Variants in MPPED2 observed in about 807,000 individuals in gnomAD.
MPPED2 encodes the protein metallophosphoesterase MPPED2.
A neutral mutation model predicts 33.0 loss-of-function variants in MPPED2; 5 were observed. That is an observed-to-expected ratio of 0.15 (90% CI 0.08 to 0.32). The LOEUF (loss-of-function observed/expected upper bound fraction) is 0.32. MPPED2 is among the 10% of genes least tolerant of loss of function. MPPED2 has a pLI of 1.00. For missense variants in MPPED2, 275 were observed against 372.1 expected, an observed-to-expected ratio of 0.74 and a Z score of 2.15; for synonymous variants, 136 against 141.9, an observed-to-expected ratio of 0.96 and a Z score of 0.29.
chr11:30,401,368 A>G (rs567818723), intron 6 of MPPED2, among the ~76,000 whole-genome samples: 36 of 152,320 alleles, frequency 2.4e-4, no homozygotes, highest in Non-Finnish European at 4.0e-4. Flanking sequence ...AGTGCCCAGC[A>G]CAGGAGGGCC....
chr11:30,537,903 T>C (rs763476370), intron 2 of MPPED2, among the ~76,000 whole-genome samples: 7 of 152,156 alleles, frequency 4.6e-5, no homozygotes, highest in Admixed American at 1.3e-4. Context: ...GTAAAAATGT[T>C]TGATGTCTTC....
At chr11:30,387,293 G>A (rs1947715041) in exon 7 of MPPED2, 1 of 152,360 alleles carries the variant, frequency 6.6e-6, no homozygotes, top group African/African-American at 2.4e-5. Context: ...CAGATGCTGT[G>A]TGCTTGTCAG....
chr11:30,539,757 G>T (rs549497), intron 2 of MPPED2, among the ~76,000 whole-genome samples: 50 of 151,886 alleles, frequency 3.3e-4, no homozygotes, highest in African/African-American at 1.1e-3. Flanking sequence ...AGTAGCTGGG[G>T]TTATGGGCAC....
At chr11:30,428,913 C>A (rs1948960483) in intron 4 of MPPED2, 1 of 152,134 alleles carries the variant, frequency 6.6e-6, no homozygotes, top group Non-Finnish European at 1.5e-5. Context: ...TGTTCCCTAA[C>A]TTATCTTCTC....
chr11:30,444,039 C>CA (rs1407001412), intron 4 of MPPED2, among the ~76,000 whole-genome samples: 1 of 151,804 alleles, frequency 6.6e-6, no homozygotes, highest in Non-Finnish European at 1.5e-5. Flanking sequence ...GAGTTAAAGC[C>CA]AAAAAATTAT....
rs145904180 is a variant in MPPED2 at position 30,550,611 on chromosome 11, C to G, written c.129-14436G>C. On this transcript the variant is annotated intron_variant, in intron 2 of 6. Transcript: ENST00000358117. ...ACACATTTGATGTTTCCACGGCTTG[C>G]ACGGCTGAAGAAATGAGCTATTTCC... is the stretch of plus-strand genomic sequence containing the variant. 1.6e-4 allele frequency among the ~76,000 whole-genome samples: 24 copies of G among 152,266 alleles called. No homozygotes were observed. The East Asian group carries it at 4.6e-3, about 29-fold the overall frequency.
intron 4 of MPPED2, among the ~76,000 whole-genome samples, chr11:30,450,791 C>T: frequency 6.6e-6 from 1 of 152,174 alleles, no homozygotes; most frequent in Non-Finnish European, 1.5e-5. Context: ...ACATTTTAAC[C>T]TCAGAGAAAC....
chr11:30,468,921 C>G (rs1477818272), intron 4 of MPPED2: 1 of 152,172 alleles, frequency 6.6e-6, no homozygotes, highest in Non-Finnish European at 1.5e-5. Flanking sequence ...ATAGCCAGCC[C>G]TCCCTACACC....
intron 4 of MPPED2, among the ~76,000 whole-genome samples, chr11:30,457,382 CA>C (rs146074145): frequency 0.24 from 31,661 of 129,376 alleles, 3,957 homozygotes; most frequent in African/African-American, 0.43. Flanking sequence ...CCTAATTTTC[CA>C]AAAAAAAAAA....
intron 4 of MPPED2, among the ~76,000 whole-genome samples, chr11:30,481,420 C>T (rs1332150250): frequency 3.3e-5 from 5 of 152,118 alleles, no homozygotes; most frequent in Non-Finnish European, 1.5e-5. Context: ...CATCTGGTCC[C>T]GTTTAAAGCA....
chr11:30,446,149 C>T (rs1487019504), intron 4 of MPPED2, among the ~76,000 whole-genome samples: 1 of 152,190 alleles, frequency 6.6e-6, no homozygotes, highest in Non-Finnish European at 1.5e-5. Context: ...AATAGCTTTG[C>T]AGGCAAAGTC....
chr11:30,538,936 A>G (rs1954952367), intron 2 of MPPED2, among the ~76,000 whole-genome samples: 1 of 152,184 alleles, frequency 6.6e-6, no homozygotes, highest in Non-Finnish European at 1.5e-5. Context: ...TTCAGAAGAC[A>G]AGGCAGTGCA....
chr11:30,501,743 T>C (rs1170284373), intron 3 of MPPED2: 6 of 255,318 alleles, frequency 2.4e-5, no homozygotes, highest in Non-Finnish European at 3.7e-5. Context: ...AAGTTTAAGA[T>C]CTCCAGCTAT....
intron 4 of MPPED2, among the ~76,000 whole-genome samples, chr11:30,450,916 T>A (rs1056128060): frequency 6.6e-6 from 1 of 152,174 alleles, no homozygotes; most frequent in South Asian, 2.1e-4. Flanking sequence ...CTGAACCCGA[T>A]CTCATAGGCT....
At chr11:30,527,594 T>C (rs1407700972) in intron 3 of MPPED2, among the ~76,000 whole-genome samples, 1 of 152,060 alleles carries the variant, frequency 6.6e-6, no homozygotes, top group Non-Finnish European at 1.5e-5. Context: ...CCTGCTTCTG[T>C]GGTTCAGATG....
intron 4 of MPPED2, among the ~76,000 whole-genome samples, chr11:30,463,572 G>A (rs1950591601): frequency 6.6e-6 from 1 of 152,174 alleles, no homozygotes; most frequent in Non-Finnish European, 1.5e-5. Flanking sequence ...TCTGCGAAGT[G>A]GCTGGCCATC....
At chr11:30,492,141 C>T (rs1952011566) in intron 4 of MPPED2, among the ~76,000 whole-genome samples, 1 of 152,194 alleles carries the variant, frequency 6.6e-6, no homozygotes, top group Non-Finnish European at 1.5e-5. Flanking sequence ...TAAACTTTGT[C>T]TGCAGTTTGC....
chr11:30,552,337 G>A (rs534796383), intron 2 of MPPED2, among the ~76,000 whole-genome samples: 3 of 152,140 alleles, frequency 2.0e-5, no homozygotes, highest in Non-Finnish European at 2.9e-5. Context: ...TTTTTACTGT[G>A]AAAATGCTTT....
chr11:30,427,035 A>G (rs1948870255), intron 4 of MPPED2, among the ~76,000 whole-genome samples: 1 of 152,182 alleles, frequency 6.6e-6, no homozygotes, highest in Admixed American at 6.5e-5. Context: ...GGAGGTAGGA[A>G]GACTGCCAAG....
Sources: allele counts gnomAD v4.1 joint callset (sites outside exome capture counted in the v4.1 genomes callset), GRCh38; gene constraint gnomAD v4.1.1; transcripts MANE v1.5; gene names NCBI Gene and HGNC (gene_info 2026-07-23, HGNC 2026-07-21).